SART3: variants seen among roughly 807,000 people sequenced by gnomAD.
The protein encoded by SART3 is HIV-1 Tat-interacting protein of 110kDa.
Under a neutral mutation model 122.3 loss-of-function variants are expected in SART3, and 44 were observed. The observed-to-expected ratio is 0.36, with a 90% confidence interval of 0.28 to 0.46. The LOEUF is 0.46. Among genes scored for constraint, SART3 ranks in the 20% least tolerant of loss-of-function variants. The pLI is 1.00. For missense variants in SART3, 1,101 were observed against 1,229.0 expected (o/e 0.90, Z 1.56); for synonymous variants, 442 against 454.0 (o/e 0.97, Z 0.34).
At chr12:108,558,802 G>A (rs772091041) in intron 1 of SART3, among the ~76,000 whole-genome samples, 6 of 152,178 alleles carry the variant, frequency 3.9e-5, no homozygotes, top group Non-Finnish European at 5.9e-5. Flanking sequence ...GGGAGGCCGA[G>A]GCGGGCGGAT....
At chr12:108,547,509 C>G (rs183789693) in intron 3 of SART3, among the ~76,000 whole-genome samples, 1 of 152,222 alleles carries the variant, frequency 6.6e-6, no homozygotes, top group East Asian at 1.9e-4. Flanking sequence ...TCCTATGACT[C>G]TATAATTACT....
At chr12:108,547,083 G>T (rs1256753009) in intron 3 of SART3, among the ~76,000 whole-genome samples, 2 of 152,192 alleles carry the variant, frequency 1.3e-5, no homozygotes, top group African/African-American at 4.8e-5. Context: ...GTCTCCCAAA[G>T]TTCTGGGATT....
Position 108,551,183 on chromosome 12 carries a change from G to A in SART3, c.313-1969C>T, listed in dbSNP as rs564089211. Among the ~76,000 whole-genome samples the A allele has an allele frequency of 8.5e-5, 13 of 152,076 alleles. No individual in the cohort carries two copies. In the South Asian group the frequency reaches 2.1e-3, roughly 24 times the overall value. On this transcript the variant is annotated intron_variant, in intron 1 of 18. Coordinates refer to ENST00000546815, the MANE Select transcript of SART3 (RefSeq NM_014706.4). ...CAAGCATTAATTAAAAAGTTGAAGC[G>A]GACATATTAATATCACATAACGTAC...
chr12:108,529,957 C>G (rs1481773401), intron 15 of SART3, among the ~76,000 whole-genome samples, 185 bp downstream of exon 15: 1 of 152,236 alleles, frequency 6.6e-6, no homozygotes, highest in Admixed American at 6.5e-5. Context: ...AACCCCGGCT[C>G]TGATGGCTGC....
At chr12:108,548,349 T>C (rs1175088161) in intron 2 of SART3, among the ~76,000 whole-genome samples, 1 of 152,252 alleles carries the variant, frequency 6.6e-6, no homozygotes, top group Non-Finnish European at 1.5e-5. Flanking sequence ...ATACGTAGAA[T>C]AGCTCATCCT....
rs1872265497 is a variant in SART3, at chr12:108,524,296, T to A, written c.2714+20A>T. 1.2e-6 allele frequency: 2 copies of A among 1,607,468 alleles called. No homozygotes were observed. The highest frequency in any genetic ancestry group is 3.3e-5 in the Admixed American group (2 of 60,002). On this transcript the variant is annotated intron_variant, in intron 18 of 18. Transcript: ENST00000546815. ...CCAGCCAGGACGAAGTTTGCACTAG[T>A]CTACCATGCAAGCACTTACGCTCCG...
intron 6 of SART3, among the ~76,000 whole-genome samples, chr12:108,541,731 G>T (rs1216372447): frequency 6.6e-6 from 1 of 151,954 alleles, no homozygotes; most frequent in African/African-American, 2.4e-5. Context: ...GTAGAGACGG[G>T]GTTTCACTAT....
intron 18 of SART3, 105 bp from the exon 19 acceptor site, chr12:108,523,739 AGGT>A: frequency 3.2e-6 from 3 of 937,144 alleles, no homozygotes; most frequent in South Asian, 1.4e-5. Flanking sequence ...AGAAGTTAAA[AGGT>A]GAAAAAAAAA....
At chr12:108,535,786 T>TAAAAA (rs34651226) in intron 11 of SART3, among the ~76,000 whole-genome samples, 1 of 143,084 alleles carries the variant, frequency 7.0e-6, no homozygotes. Context: ...GAGACAATGT[T>TAAAAA]AAAAAAAAAA....
At chr12:108,525,951 C>T in intron 16 of SART3, 148 bp downstream of exon 16, 1 of 715,184 alleles carries the variant, frequency 1.4e-6, no homozygotes, top group Non-Finnish European at 2.3e-6. Flanking sequence ...AGTCAACCGG[C>T]TCAGGATGGA....
chr12:108,533,109 C>T (rs34427565), intron 12 of SART3, among the ~76,000 whole-genome samples: 10,016 of 152,148 alleles, frequency 0.066, 424 homozygotes, highest in Non-Finnish European at 0.09. Context: ...TATTATGATG[C>T]TCAGAATAAA....
At chr12:108,544,845 A>G in intron 4 of SART3, 1 of 570,946 alleles carries the variant, frequency 1.8e-6, no homozygotes, top group Non-Finnish European at 3.1e-6. Flanking sequence ...AATTACAAGC[A>G]TGAGCCACCG....
At chr12:108,526,018 C>T (rs1245190916) in intron 16 of SART3, 81 bp downstream of exon 16, 1 of 1,164,606 alleles carries the variant, frequency 8.6e-7, no homozygotes, top group East Asian at 2.3e-5. Context: ...CATGTCTATC[C>T]TAAATATCAC....
chr12:108,527,673 G>A (rs1299839745), intron 15 of SART3, among the ~76,000 whole-genome samples: 1 of 152,250 alleles, frequency 6.6e-6, no homozygotes, highest in Non-Finnish European at 1.5e-5. Flanking sequence ...TCAACTCAAC[G>A]ATGGATGACT....
intron 1 of SART3, among the ~76,000 whole-genome samples, chr12:108,551,527 A>T (rs2030010021): frequency 6.6e-6 from 1 of 152,226 alleles, no homozygotes; most frequent in African/African-American, 2.4e-5. Flanking sequence ...TAAGTTTTTA[A>T]AAAGAAAGGA....
intron 3 of SART3, among the ~76,000 whole-genome samples, chr12:108,545,774 T>C (rs1873378157): frequency 1.3e-5 from 2 of 152,118 alleles, no homozygotes; most frequent in Non-Finnish European, 2.9e-5. Flanking sequence ...GAAACCAGCC[T>C]GGCCAATATG....
chr12:108,541,835 G>A (rs1873178524), intron 6 of SART3, among the ~76,000 whole-genome samples: 1 of 151,894 alleles, frequency 6.6e-6, no homozygotes, highest in Non-Finnish European at 1.5e-5. Context: ...ACCCCGCCCG[G>A]CCCAGACTTT....
At chr12:108,543,200 T>A (rs2136681954) in intron 5 of SART3, 48 bp from the exon 6 acceptor site, 1 of 1,609,810 alleles carries the variant, frequency 6.2e-7, no homozygotes, top group Non-Finnish European at 8.5e-7. Context: ...TTGGGCTTTA[T>A]CAACCCAAAC....
At position 108,526,186 on chromosome 12, in the gene SART3, C is replaced by T. The variant is rs201880167; in HGVS notation, c.2283G>A (p.Gln761=). The change falls in exon 16 of 19, where the codon CAG becomes CAA. Residue 761 remains glutamine, a synonymous_variant. Transcript: ENST00000546815. ...CACTTTTCCGGTCCATCTCCAGTGC[C>T]TGAAGGGCTGATTTCTCTTCTTTAA... The part of the protein sequence containing the change: ...VEFKEEKSAL[Q]ALEMDRKSVE... 9 of 1,614,254 alleles carry T rather than the reference C, an allele frequency of 5.6e-6. No individual in the cohort carries two copies. Among genetic ancestry groups the T allele is most frequent in the Middle Eastern group, 1.6e-4 (1 of 6,062 alleles).
Sources: allele counts gnomAD v4.1 joint callset (sites outside exome capture counted in the v4.1 genomes callset), GRCh38; gene constraint gnomAD v4.1.1; transcripts MANE v1.5; gene names NCBI Gene and HGNC (gene_info 2026-07-23, HGNC 2026-07-21).